The following PXDNL variants were observed in gnomAD, a reference collection of about 807,000 sequenced individuals.
PXDNL encodes the protein probable oxidoreductase PXDNL.
In PXDNL, 145 loss-of-function variants were observed where a neutral mutation model predicts 150.8. The observed-to-expected ratio is 0.96, with a 90% CI of 0.84 to 1.10. The LOEUF (loss-of-function observed/expected upper bound fraction) is 1.10. Ranked by LOEUF, PXDNL falls within the 50% of genes least tolerant of loss-of-function variation. The pLI is 0.00. For missense variants in PXDNL, 2,087 were observed against 1,873.9 expected (o/e 1.11, Z -2.10); for synonymous variants, 757 against 725.7 (o/e 1.04, Z -0.69).
intron 1 of PXDNL, among the ~76,000 whole-genome samples, chr8:51,788,587 G>C (rs563301864): frequency 1.3e-5 from 2 of 152,230 alleles, no homozygotes; most frequent in African/African-American, 2.4e-5. Flanking sequence ...CTTTGTAGTA[G>C]GGAGTCTGGA....
At chr8:51,632,785 A>G (rs997021657) in intron 2 of PXDNL, among the ~76,000 whole-genome samples, 3 of 152,232 alleles carry the variant, frequency 2.0e-5, no homozygotes, top group African/African-American at 2.4e-5. Context: ...CTAACCAAAT[A>G]GAATGAATTT....
At chr8:51,628,195 A>ATCCT (rs1814402137) in intron 2 of PXDNL, among the ~76,000 whole-genome samples, 1 of 152,026 alleles carries the variant, frequency 6.6e-6, no homozygotes, top group African/African-American at 2.4e-5. Context: ...CCCTGTTTGC[A>ATCCT]TTTTTTGGCT....
intron 5 of PXDNL, among the ~76,000 whole-genome samples, chr8:51,494,117 G>A (rs370335660): frequency 2.6e-5 from 4 of 152,240 alleles, no homozygotes; most frequent in African/African-American, 9.6e-5. Flanking sequence ...GAGAGTGGGG[G>A]CCAATATTCA....
chr8:51,728,595 A>T (rs544448730), intron 1 of PXDNL, among the ~76,000 whole-genome samples: 1 of 152,154 alleles, frequency 6.6e-6, no homozygotes, highest in African/African-American at 2.4e-5. Context: ...TGAAAAAAAA[A>T]TTTAAAAATT....
intron 20 of PXDNL, among the ~76,000 whole-genome samples, chr8:51,340,600 C>CAGT (rs1805959305): frequency 6.6e-6 from 1 of 152,056 alleles, no homozygotes; most frequent in Non-Finnish European, 1.5e-5. Context: ...TTGCCAGAAA[C>CAGT]AGTACATTCT....
intron 4 of PXDNL, among the ~76,000 whole-genome samples, chr8:51,533,620 A>C (rs993029358): frequency 8.7e-5 from 13 of 149,028 alleles, no homozygotes; most frequent in Non-Finnish European, 1.8e-4. Context: ...CAGCCTGCCG[A>C]GTGCCTGCGG....
chr8:51,388,217 C>T lies in PXDNL; in HGVS notation c.3558-13486G>A, dbSNP rs555789849. Among the ~76,000 whole-genome samples, 42 of 152,170 alleles carry T rather than the reference C, an allele frequency of 2.8e-4. No individual in the cohort carries two copies. In the South Asian group the frequency reaches 3.3e-3, roughly 12 times the overall value. On this transcript the variant is annotated intron_variant, in intron 17 of 22. Coordinates refer to ENST00000356297, the MANE Select transcript of PXDNL (RefSeq NM_144651.5). ...TTTTGATATTGGCTTTCTTATTATTCGAAGACCAAATAGAAAATTATTCAA... is the reference window on the plus strand; with the variant it reads ...TTTTGATATTGGCTTTCTTATTATTTGAAGACCAAATAGAAAATTATTCAA...
intron 2 of PXDNL, among the ~76,000 whole-genome samples, chr8:51,617,183 A>G (rs79520055): frequency 0.018 from 2,792 of 152,308 alleles, 102 homozygotes; most frequent in African/African-American, 0.065. Context: ...TGGCATCTCA[A>G]TCTTCCTCAA....
At chr8:51,448,566 G>A (rs965371625) in intron 11 of PXDNL, among the ~76,000 whole-genome samples, 5 of 152,050 alleles carry the variant, frequency 3.3e-5, no homozygotes, top group Admixed American at 1.3e-4. Context: ...GTAGCCGGGC[G>A]TGGTGGCGGG....
intron 12 of PXDNL, among the ~76,000 whole-genome samples, chr8:51,433,154 A>T (rs1282146505): frequency 1.3e-5 from 2 of 151,744 alleles, no homozygotes; most frequent in Non-Finnish European, 2.9e-5. Context: ...GATTGCGGTG[A>T]GCGGAGGTCG....
chr8:51,372,252 A>G (rs1007400055), intron 18 of PXDNL, among the ~76,000 whole-genome samples, 171 bp from the exon 19 acceptor site: 3 of 152,224 alleles, frequency 2.0e-5, no homozygotes, highest in African/African-American at 7.2e-5. Flanking sequence ...AATATTTACA[A>G]CATTCTTAAA....
chr8:51,753,147 C>T lies in PXDNL; in HGVS notation c.164+56034G>A, dbSNP rs535671112. ...CCTACAAATGGATTTCTCTTGATTG[C>T]GTAACATTTAACAGGGAATATAGTT... On this transcript the variant is annotated intron_variant, in intron 1 of 22. Coordinates refer to ENST00000356297, the MANE Select transcript of PXDNL (RefSeq NM_144651.5). Among the ~76,000 whole-genome samples the T allele has an allele frequency of 5.6e-4, 86 of 152,308 alleles. 1 individual carries two copies. Among genetic ancestry groups the T allele is most frequent in the Middle Eastern group, 3.4e-3 (1 of 294 alleles).
intron 4 of PXDNL, among the ~76,000 whole-genome samples, chr8:51,525,709 T>A (rs557634884): frequency 6.6e-6 from 1 of 152,286 alleles, no homozygotes; most frequent in East Asian, 1.9e-4. Context: ...TGGCAGCCTG[T>A]CTGTCCTCTT....
At chr8:51,424,862 C>T (rs1240465775) in intron 13 of PXDNL, among the ~76,000 whole-genome samples, 1 of 152,212 alleles carries the variant, frequency 6.6e-6, no homozygotes, top group African/African-American at 2.4e-5. Context: ...CGGATTCTCA[C>T]AGCTGACTTT....
chr8:51,603,797 T>C (rs1014881161), intron 2 of PXDNL, among the ~76,000 whole-genome samples: 1 of 152,142 alleles, frequency 6.6e-6, no homozygotes, highest in Non-Finnish European at 1.5e-5. Flanking sequence ...ATAATTATGA[T>C]AGTTTCAGAC....
At chr8:51,532,997 GAA>G (rs35198762) in intron 4 of PXDNL, among the ~76,000 whole-genome samples, 4,474 of 151,690 alleles carry the variant, frequency 0.029, 172 homozygotes, top group African/African-American at 0.086. Flanking sequence ...AAAAGGAAAA[GAA>G]AAAAAAGTGT....
At chr8:51,696,881 A>G in intron 1 of PXDNL, among the ~76,000 whole-genome samples, 2 of 3,862 alleles carry the variant, frequency 5.2e-4, no homozygotes, top group Non-Finnish European at 1.4e-3. Context: ...GTGCACACAC[A>G]CATTCTACTC....
chr8:51,689,025 G>T (rs760564050), intron 1 of PXDNL, among the ~76,000 whole-genome samples: 4 of 152,126 alleles, frequency 2.6e-5, no homozygotes, highest in Non-Finnish European at 5.9e-5. Context: ...ATTAGGAATC[G>T]GGAATCGGCC....
intron 2 of PXDNL, among the ~76,000 whole-genome samples, chr8:51,651,470 C>T (rs1161117639): frequency 6.6e-6 from 1 of 152,144 alleles, no homozygotes; most frequent in African/African-American, 2.4e-5. Context: ...CCACACTTCA[C>T]AAAACAATTG....
Sources: gnomAD v4.1 joint callset for allele counts (sites outside exome capture counted in the v4.1 genomes callset) on GRCh38, gnomAD v4.1.1 for gene constraint, MANE v1.5 for transcripts, NCBI Gene and HGNC (gene_info 2026-07-23, HGNC 2026-07-21) for gene names.